The following FBXL5 variants were observed in gnomAD, a reference collection of about 807,000 sequenced individuals.
The protein encoded by FBXL5 is F-box/LRR-repeat protein 5.
A neutral mutation model predicts 78.3 loss-of-function variants in FBXL5; 26 were observed. The ratio of observed to expected loss-of-function variants is 0.33; its 90% CI spans 0.24 to 0.46. The LOEUF (loss-of-function observed/expected upper bound fraction) is 0.46, where lower values mean the gene tolerates loss of function less well. Ranked by LOEUF, FBXL5 falls within the 20% of genes least tolerant of loss-of-function variation. The pLI, the probability that FBXL5 is intolerant of heterozygous loss-of-function variation, is 1.00. For synonymous variants in FBXL5, 295 were observed against 282.5 expected (o/e 1.04, Z -0.45); for missense variants, 710 against 829.2 (o/e 0.86, Z 1.77).
chr4:15,680,787 T>C (rs1718214985), intron 1 of FBXL5, among the ~76,000 whole-genome samples: 1 of 151,908 alleles, frequency 6.6e-6, no homozygotes, highest in South Asian at 2.1e-4. Flanking sequence ...TAAAGTCGCA[T>C]TAAGTTTCAG....
intron 1 of FBXL5, among the ~76,000 whole-genome samples, chr4:15,680,247 T>C (rs1466963041): frequency 6.6e-6 from 1 of 152,150 alleles, no homozygotes; most frequent in Non-Finnish European, 1.5e-5. Context: ...TTTAAAATGA[T>C]TACCCGTGAA....
intron 10 of FBXL5, among the ~76,000 whole-genome samples, chr4:15,611,058 C>T (rs1722220585): frequency 6.6e-6 from 1 of 152,090 alleles, no homozygotes; most frequent in South Asian, 2.1e-4. Context: ...TCACTTTCAC[C>T]AACTACGATG....
chr4:15,638,833 T>G (rs1366531584), intron 3 of FBXL5, 139 bp from the exon 4 acceptor site: 1 of 572,806 alleles, frequency 1.7e-6, no homozygotes, highest in Non-Finnish European at 2.9e-6. Flanking sequence ...CTGTCACCAC[T>G]GAGTTAGTTT....
upstream of FBXL5, among the ~76,000 whole-genome samples, chr4:15,662,291 G>C (rs1194040594): frequency 6.7e-6 from 1 of 150,364 alleles, no homozygotes; most frequent in Non-Finnish European, 1.5e-5. Context: ...ACCAACTCTA[G>C]AGGGTAGTCT....
intron 10 of FBXL5, among the ~76,000 whole-genome samples, chr4:15,609,944 C>A (rs550873330): frequency 2.0e-5 from 3 of 152,100 alleles, no homozygotes; most frequent in East Asian, 3.9e-4. Flanking sequence ...GTATTAACTT[C>A]TTTTACATTT....
intron 10 of FBXL5, among the ~76,000 whole-genome samples, chr4:15,611,059 A>G (rs1156579563): frequency 3.3e-5 from 5 of 152,112 alleles, no homozygotes; most frequent in Non-Finnish European, 5.9e-5. Context: ...CACTTTCACC[A>G]ACTACGATGA....
In FBXL5 at chr4:15,625,874, T is replaced by C; in HGVS notation, c.1228A>G (p.Ile410Val). ...AAGCCACTTTGATGAGATGTCAGAATTCCAAGAGCTCTGGAAATCTTCTCT... is the reference window on the plus strand; with the variant it reads ...AAGCCACTTTGATGAGATGTCAGAACTCCAAGAGCTCTGGAAATCTTCTCT... Reference protein sequence around the residue: ...ALEKISRALGILTSHQSGFLK... With the variant: ...ALEKISRALGVLTSHQSGFLK... Residue 410 changes from isoleucine (I) to valine (V), a missense_variant, in exon 9 of 11, where the codon ATT becomes GTT. Physicochemically the swap from Ile to Val is conservative, Grantham distance 29. This residue lies in a region of FBXL5 where 517 missense variants were observed against 542.9 expected (regional missense o/e 0.95). Transcript: ENST00000341285. 1.2e-6 allele frequency: 2 copies of C among 1,614,140 alleles called. No homozygotes were observed. Among genetic ancestry groups the C allele is most frequent in the Non-Finnish European group, 1.7e-6 (2 of 1,180,014 alleles).
At chr4:15,621,296 A>G (rs114755425) in intron 9 of FBXL5, among the ~76,000 whole-genome samples, 82 of 152,372 alleles carry the variant, frequency 5.4e-4, no homozygotes, top group Middle Eastern at 3.4e-3. Flanking sequence ...ACTCAGTTAT[A>G]CTTCTATATA....
At chr4:15,660,564 A>C (rs1277496319), upstream of FBXL5, among the ~76,000 whole-genome samples, 3 of 152,202 alleles carry the variant, frequency 2.0e-5, no homozygotes, top group Non-Finnish European at 4.4e-5. Context: ...TTCTAATCCC[A>C]CTTCTCACTA....
At chr4:15,649,446 A>G (rs1715691928) in intron 1 of FBXL5, among the ~76,000 whole-genome samples, 1 of 151,944 alleles carries the variant, frequency 6.6e-6, no homozygotes, top group South Asian at 2.1e-4. Context: ...GGGCGTGGTT[A>G]GCACACGCCT....
At chr4:15,624,932 A>T (rs369663447) in intron 9 of FBXL5, among the ~76,000 whole-genome samples, 1 of 152,232 alleles carries the variant, frequency 6.6e-6, no homozygotes, top group Non-Finnish European at 1.5e-5. Flanking sequence ...TTCTTGTTAC[A>T]TGTTCTTGAG....
intron 4 of FBXL5, among the ~76,000 whole-genome samples, chr4:15,637,231 A>G (rs1017307829): frequency 1.3e-5 from 2 of 152,222 alleles, no homozygotes; most frequent in African/African-American, 4.8e-5. Flanking sequence ...TACTTCAGTT[A>G]TTTATGTTGC....
At chr4:15,635,761 G>GAA (rs71649918) in intron 5 of FBXL5, among the ~76,000 whole-genome samples, 1,572 of 120,578 alleles carry the variant, frequency 0.013, 108 homozygotes, top group Admixed American at 0.1. Flanking sequence ...CTCAAAAAAA[G>GAA]AAAAAAAAAA....
chr4:15,660,477 A>G (rs1022176535), upstream of FBXL5, among the ~76,000 whole-genome samples: 12 of 152,292 alleles, frequency 7.9e-5, no homozygotes, highest in Non-Finnish European at 1.8e-4. Flanking sequence ...GCTACCTAGA[A>G]ATAGAGATGT....
chr4:15,656,749 C>T (rs144075628), upstream of FBXL5, among the ~76,000 whole-genome samples: 1 of 152,222 alleles, frequency 6.6e-6, no homozygotes, highest in African/African-American at 2.4e-5. Flanking sequence ...GCTAATAATA[C>T]CTACCTCAGA....
chr4:15,628,374 A>G (rs1274255862), intron 6 of FBXL5, among the ~76,000 whole-genome samples: 1 of 152,218 alleles, frequency 6.6e-6, no homozygotes, highest in Non-Finnish European at 1.5e-5. Context: ...AAGCAAAGGA[A>G]GGTACTTTAG....
chr4:15,627,545 C>T (rs1007711521), intron 7 of FBXL5, among the ~76,000 whole-genome samples: 1 of 152,178 alleles, frequency 6.6e-6, no homozygotes, highest in African/African-American at 2.4e-5. Context: ...ACAGTGATTT[C>T]ATCTCATTTG....
At chr4:15,635,955 G>C (rs1349100072) in intron 5 of FBXL5, among the ~76,000 whole-genome samples, 1 of 151,820 alleles carries the variant, frequency 6.6e-6, no homozygotes, top group Non-Finnish European at 1.5e-5. Context: ...AGAGAATGTG[G>C]CATTACCAAT....
intron 6 of FBXL5, among the ~76,000 whole-genome samples, chr4:15,629,902 C>T (rs1341274805): frequency 1.3e-5 from 2 of 151,958 alleles, no homozygotes; most frequent in Non-Finnish European, 2.9e-5. Flanking sequence ...TCAGTTTTAC[C>T]AACTAGAAGA....
Sources: allele counts gnomAD v4.1 joint callset (sites outside exome capture counted in the v4.1 genomes callset), GRCh38; gene constraint gnomAD v4.1.1; regional missense constraint gnomAD v4.1.1; transcripts MANE v1.5; gene names NCBI Gene and HGNC (gene_info 2026-07-23, HGNC 2026-07-21).